TRIM21: variants seen among roughly 807,000 people sequenced by gnomAD.
TRIM21 encodes tripartite motif containing 21.
A neutral mutation model predicts 36.1 loss-of-function variants in TRIM21; 35 were observed. The observed-to-expected ratio is 0.97, with a 90% CI of 0.74 to 1.28. TRIM21 has a LOEUF of 1.28. TRIM21 is among the 50% of genes most tolerant of loss of function. The probability of loss-of-function intolerance (pLI) is 0.00; values close to 1 mark genes in which losing one functional copy is unlikely to be tolerated. For synonymous variants in TRIM21, 256 were observed against 211.5 expected (o/e 1.21, Z -1.83); for missense variants, 635 against 570.7 (o/e 1.11, Z -1.15).
intron 3 of TRIM21, among the ~76,000 whole-genome samples, chr11:4,389,064 C>T (rs1477184562): frequency 6.6e-6 from 1 of 152,172 alleles, no homozygotes; most frequent in Non-Finnish European, 1.5e-5. Context: ...ACCCAACTCA[C>T]ACCCTACCTC....
intron 2 of TRIM21, 26 bp downstream of exon 2, chr11:4,389,976 C>T: frequency 6.2e-7 from 1 of 1,607,678 alleles, no homozygotes; most frequent in Non-Finnish European, 8.5e-7. Flanking sequence ...AAACGAAGCA[C>T]TCACCAGGTG....
intron 3 of TRIM21, 145 bp from the exon 4 acceptor site, chr11:4,388,675 G>T: frequency 2.7e-6 from 2 of 751,514 alleles, no homozygotes; most frequent in Non-Finnish European, 4.4e-6. Context: ...ACGCACACGC[G>T]CGCACACACA....
intron 6 of TRIM21, 107 bp downstream of exon 6, chr11:4,386,050 C>T (rs1470399181): frequency 8.5e-7 from 1 of 1,181,186 alleles, no homozygotes; most frequent in South Asian, 1.3e-5. Context: ...ATCTCTGTTC[C>T]CCCTGCTCTG....
intron 1 of TRIM21, among the ~76,000 whole-genome samples, chr11:4,390,745 G>A (rs2094962167): frequency 6.6e-6 from 1 of 152,102 alleles, no homozygotes; most frequent in Non-Finnish European, 1.5e-5. Flanking sequence ...TAGACCAGTA[G>A]AATAAAGAAC....
intron 5 of TRIM21, 50 bp from the exon 6 acceptor site, chr11:4,386,307 C>T (rs1397642570): frequency 2.1e-6 from 3 of 1,438,314 alleles, no homozygotes; most frequent in Admixed American, 1.7e-5. Context: ...TATCCCAAAC[C>T]CTAACACTAT....
chr11:4,386,334 G>GTTAT, intron 5 of TRIM21, 77 bp from the exon 6 acceptor site: 2 of 1,201,016 alleles, frequency 1.7e-6, no homozygotes, highest in Non-Finnish European at 2.4e-6. Context: ...CATTGTGGAG[G>GTTAT]ACTCCGATAA....
chr11:4,386,217 G>T lies in TRIM21; in HGVS notation c.799C>A (p.Pro267Thr), dbSNP rs768929484. 6.2e-7 allele frequency: 1 copy of T among 1,613,872 alleles called. No individual in the cohort carries two copies. The highest frequency in any genetic ancestry group is 1.1e-5 in the South Asian group (1 of 91,076). ...WNLKDLDITS[P>T]ELRSVCHVPG... The stretch of plus-strand genomic sequence containing the variant: ...ACATGGCACACACTCCTGAGTTCTG[G>T]AGAGGTAATATCCAGGTCCTTCAGG... Residue 267 changes from proline to threonine, a missense_variant, in exon 6 of 7, where the codon CCA (proline) becomes ACA (threonine). Coordinates refer to ENST00000254436, the MANE Select transcript of TRIM21 (RefSeq NM_003141.4).
At chr11:4,388,665 ACG>A (rs1160571933) in intron 3 of TRIM21, 135 bp from the exon 4 acceptor site, 14 of 815,410 alleles carry the variant, frequency 1.7e-5, no homozygotes, top group African/African-American at 1.2e-4. Context: ...ACACATGCAC[ACG>A]CACACGCGCG....
chr11:4,386,106 G>A, intron 6 of TRIM21, 51 bp downstream of exon 6: 3 of 1,567,920 alleles, frequency 1.9e-6, no homozygotes, highest in Admixed American at 3.3e-5. Flanking sequence ...CCCTGACCCT[G>A]GGATCTACTC....
At chr11:4,392,401 T>C (rs759881540) in intron 1 of TRIM21, among the ~76,000 whole-genome samples, 3 of 152,034 alleles carry the variant, frequency 2.0e-5, no homozygotes, top group African/African-American at 4.8e-5. Context: ...ACCCTGTCTC[T>C]ACTAAAAATA....
intron 2 of TRIM21, 40 bp downstream of exon 2, chr11:4,389,962 C>T (rs1160587821): frequency 1.2e-6 from 2 of 1,600,976 alleles, no homozygotes; most frequent in South Asian, 1.1e-5. Context: ...ATTCCCTGCT[C>T]TGAAAACGAA....
chr11:4,389,419 C>A (rs1323578027), intron 3 of TRIM21, among the ~76,000 whole-genome samples: 2 of 152,338 alleles, frequency 1.3e-5, no homozygotes, highest in East Asian at 3.9e-4. Flanking sequence ...ATCCTCTCAG[C>A]ACCTTCTTCC....
chr11:4,393,485 G>A (rs2094965642), intron 1 of TRIM21, 148 bp downstream of exon 1: 1 of 152,536 alleles, frequency 6.6e-6, no homozygotes, highest in South Asian at 2.1e-4. Context: ...AAGCGCAGCT[G>A]GTCTTGGGTT....
rs2094954281 is a variant in TRIM21, at chr11:4,385,013, C to T, written c.*272G>A. The T allele has an allele frequency of 1.3e-5, 5 of 389,432 alleles. No homozygotes were observed. In the Admixed American group the frequency reaches 2.1e-4, roughly 16 times the overall value. The allele number at this position is 389,432 out of a possible 1,614,324, so 24.1% of individuals were successfully genotyped here. The stretch of plus-strand genomic sequence containing the variant: ...AGAGATGGAGAGGAGAAAAAAAAAA[C>T]TTAAGTCCCATAAAGAAGGCAGAAA... On this transcript the variant is annotated 3_prime_UTR_variant, in exon 7 of 7. Transcript: ENST00000254436.
At chr11:4,386,398 G>A (rs2094956377) in intron 5 of TRIM21, 141 bp from the exon 6 acceptor site, 1 of 745,954 alleles carries the variant, frequency 1.3e-6, no homozygotes, top group African/African-American at 1.7e-5. Flanking sequence ...TCCAGGAGTG[G>A]GTGTGAGAGG....
At chr11:4,392,836 G>C (rs2094964603) in intron 1 of TRIM21, among the ~76,000 whole-genome samples, 1 of 152,106 alleles carries the variant, frequency 6.6e-6, no homozygotes, top group Non-Finnish European at 1.5e-5. Context: ...TAAACCCTCA[G>C]TGCTCATCCA....
Position 4,385,277 on chromosome 11 carries a change from G to T in TRIM21, c.*8C>A. 1 of 1,605,734 alleles carries T rather than the reference G, an allele frequency of 6.2e-7. No individual in the cohort carries two copies. Among genetic ancestry groups the T allele is most frequent in the South Asian group, 1.1e-5 (1 of 89,968 alleles). Reference sequence around the variant, plus strand: ...AATGGGGAGAGTGGCAGTGTCCAGAGAAAGCCATCAATAGTCAGTGGATCC... The same window carrying T: ...AATGGGGAGAGTGGCAGTGTCCAGATAAAGCCATCAATAGTCAGTGGATCC... On this transcript the variant is annotated 3_prime_UTR_variant, in exon 7 of 7. Coordinates refer to ENST00000254436, the MANE Select transcript of TRIM21 (RefSeq NM_003141.4).
At position 4,390,455 on chromosome 11, in the gene TRIM21, T is replaced by A; in HGVS notation, c.-46A>T. On this transcript the variant is annotated 5_prime_UTR_variant, in exon 2 of 7. Transcript: ENST00000254436. ...AGCAGTGTGGAGACCTTTAGGGGGT[T>A]TGGCTGGGAGAGAAGAAGAAAGGGA... 1 of 1,539,438 alleles carries A rather than the reference T, an allele frequency of 6.5e-7. No individual in the cohort carries two copies. Among genetic ancestry groups the A allele is most frequent in the Non-Finnish European group, 8.8e-7 (1 of 1,140,058 alleles).
Position 4,388,503 on chromosome 11 carries a change from T to C in TRIM21, c.532A>G (p.Ile178Val), listed in dbSNP as rs766661587. 4.3e-5 allele frequency: 70 copies of C among 1,610,896 alleles called. No individual in the cohort carries two copies. The highest frequency in any genetic ancestry group is 3.3e-4 in the Middle Eastern group (2 of 6,062). ...TTTTGCTGCACAAACTCTGCGTGAATCCTAGATTTCTGTGTTTCCACTGTT... is the reference window on the plus strand; with the variant it reads ...TTTTGCTGCACAAACTCTGCGTGAACCCTAGATTTCTGTGTTTCCACTGTT... Reference protein sequence around the residue: ...KKTVETQKSRIHAEFVQQKNF... With the variant: ...KKTVETQKSRVHAEFVQQKNF... The change falls in exon 4 of 7, where the codon ATT (isoleucine) becomes GTT (valine). Residue 178 changes from isoleucine to valine, a missense_variant. Coordinates refer to ENST00000254436, the MANE Select transcript of TRIM21 (RefSeq NM_003141.4).
Sources: allele counts gnomAD v4.1 joint callset (sites outside exome capture counted in the v4.1 genomes callset), GRCh38; gene constraint gnomAD v4.1.1; transcripts MANE v1.5; gene names NCBI Gene and HGNC (gene_info 2026-07-23, HGNC 2026-07-21).